Variants in ADAM22 observed in about 807,000 individuals in gnomAD.
ADAM22 encodes disintegrin and metalloproteinase domain-containing protein 22.
ADAM22 carries 65 observed loss-of-function variants against 144.6 expected under a neutral mutation model. The ratio of observed to expected loss-of-function variants is 0.45; its 90% CI spans 0.37 to 0.55. ADAM22 has a LOEUF of 0.55. Ranked by LOEUF, ADAM22 falls within the 20% of genes least tolerant of loss-of-function variation. ADAM22 has a pLI of 0.00. For synonymous variants in ADAM22, 391 were observed against 412.6 expected, an observed-to-expected ratio of 0.95 and a Z score of 0.63; for missense variants, 974 against 1,184.9, an observed-to-expected ratio of 0.82 and a Z score of 2.61.
At chr7:88,072,117 A>G (rs1415154077) in intron 3 of ADAM22, among the ~76,000 whole-genome samples, 1 of 152,228 alleles carries the variant, frequency 6.6e-6, no homozygotes. Flanking sequence ...TAAAATAACA[A>G]TACTTTGCAG....
At chr7:88,006,262 G>C (rs1390063235) in intron 3 of ADAM22, among the ~76,000 whole-genome samples, 1 of 152,074 alleles carries the variant, frequency 6.6e-6, no homozygotes, top group Non-Finnish European at 1.5e-5. Context: ...ATAATCAATA[G>C]CTTACCAACC....
At chr7:88,187,438 C>T (rs748992638) in intron 30 of ADAM22, among the ~76,000 whole-genome samples, 24 of 152,250 alleles carry the variant, frequency 1.6e-4, no homozygotes, top group African/African-American at 5.1e-4. Flanking sequence ...AGAAGAATAT[C>T]GCTACATTTT....
chr7:88,082,325 C>T (rs1159964373), intron 4 of ADAM22, among the ~76,000 whole-genome samples: 1 of 152,138 alleles, frequency 6.6e-6, no homozygotes, highest in Non-Finnish European at 1.5e-5. Flanking sequence ...ACACCTTACA[C>T]AAAAATTAAT....
At chr7:88,171,427 T>C in intron 25 of ADAM22, 117 bp from the exon 26 acceptor site, 1 of 849,546 alleles carries the variant, frequency 1.2e-6, no homozygotes, top group Non-Finnish European at 1.8e-6. Flanking sequence ...CAGAATCCTC[T>C]AGTGAAGACT....
chr7:88,114,040 G>T (rs1212015005), intron 5 of ADAM22, among the ~76,000 whole-genome samples: 1 of 151,942 alleles, frequency 6.6e-6, no homozygotes, highest in African/African-American at 2.4e-5. Context: ...TACTTCTCTT[G>T]TAGATTTGTG....
At chr7:88,170,462 A>T (rs918416709) in intron 25 of ADAM22, among the ~76,000 whole-genome samples, 4 of 151,944 alleles carry the variant, frequency 2.6e-5, no homozygotes, top group Non-Finnish European at 5.9e-5. Flanking sequence ...ATTAAAAAAA[A>T]AAATAAAGTA....
intron 12 of ADAM22, among the ~76,000 whole-genome samples, chr7:88,133,381 A>AATAC (rs1289435211): frequency 6.6e-6 from 1 of 150,608 alleles, no homozygotes; most frequent in African/African-American, 2.4e-5. Flanking sequence ...TAAATAAATA[A>AATAC]ATAAATAAAT....
intron 26 of ADAM22, among the ~76,000 whole-genome samples, chr7:88,178,618 T>TA (rs200322408): frequency 6.6e-6 from 1 of 151,870 alleles, no homozygotes. Context: ...ATTTTTTTTT[T>TA]AAAAAAAGAC....
At chr7:88,136,452 C>T (rs1832991681) in intron 14 of ADAM22, among the ~76,000 whole-genome samples, 1 of 152,010 alleles carries the variant, frequency 6.6e-6, no homozygotes, top group Non-Finnish European at 1.5e-5. Flanking sequence ...TGACTTCAAG[C>T]CATTACTGAT....
chr7:88,202,584 C>A lies in ADAM22; in HGVS notation c.*6093C>A, dbSNP rs1851276944. On this transcript the variant is annotated 3_prime_UTR_variant, in exon 32 of 32. Transcript: ENST00000413139. ...AACATTTCTCTGCTACTCTGCACTTCAGGTTCGTTAAGCTATTTTAATAAT... is the reference window on the plus strand; with the variant it reads ...AACATTTCTCTGCTACTCTGCACTTAAGGTTCGTTAAGCTATTTTAATAAT... The A allele has an allele frequency of 6.6e-6, 1 of 152,166 alleles. No individual in the cohort carries two copies. The highest frequency in any genetic ancestry group is 2.4e-5 in the African/African-American group (1 of 41,444). The allele number at this position is 152,166 out of a possible 1,614,324, so 9.4% of individuals were successfully genotyped here. A position where few individuals can be genotyped will look rare whatever the true frequency, so the allele number is the denominator to read the frequency against.
chr7:88,077,667 G>A (rs1815011948), intron 4 of ADAM22, among the ~76,000 whole-genome samples: 1 of 152,198 alleles, frequency 6.6e-6, no homozygotes, highest in Non-Finnish European at 1.5e-5. Flanking sequence ...TTTCCAACGG[G>A]CTTAACAAAC....
intron 3 of ADAM22, among the ~76,000 whole-genome samples, chr7:88,002,327 G>A (rs1792758026): frequency 6.6e-6 from 1 of 152,048 alleles, no homozygotes; most frequent in Non-Finnish European, 1.5e-5. Context: ...AACCAGCTTC[G>A]AGTGAATCAC....
intron 7 of ADAM22, among the ~76,000 whole-genome samples, chr7:88,123,351 A>G (rs79022643): frequency 0.015 from 2,282 of 152,092 alleles, 52 homozygotes; most frequent in African/African-American, 0.052. Context: ...AATCTTTGGT[A>G]GAATTCATCA....
rs904227981 is a variant in ADAM22, at chr7:88,136,999, TCTCCCTTCTGTC to T, written c.1220+973_1220+984del. On this transcript the variant is annotated intron_variant, in intron 14 of 31. Coordinates refer to ENST00000413139, the MANE Select transcript of ADAM22 (RefSeq NM_001324418.2). ...GTAAAATACTGCATTTGTGGTTAAA[TCTCCCTTCTGTC>T]CTCCATTATTAATTCCCAGCCCCAG... Among the ~76,000 whole-genome samples the T allele has an allele frequency of 2.7e-4, 41 of 152,212 alleles. 1 individual carries two copies. The highest frequency in any genetic ancestry group is 9.9e-4 in the African/African-American group (41 of 41,560).
chr7:88,149,083 AACTT>A (rs758059314), intron 18 of ADAM22, 26 bp downstream of exon 18: 1 of 1,575,964 alleles, frequency 6.3e-7, no homozygotes, highest in Admixed American at 1.7e-5. Context: ...ACTGCTCTAA[AACTT>A]ATGGGAAAAA....
intron 10 of ADAM22, 138 bp downstream of exon 10, chr7:88,130,597 C>T (rs768110814): frequency 1.4e-5 from 10 of 721,842 alleles, no homozygotes; most frequent in Non-Finnish European, 1.9e-5. Context: ...TCCGGGTGAC[C>T]TTGCAATAGA....
intron 4 of ADAM22, among the ~76,000 whole-genome samples, chr7:88,093,426 T>C (rs1820456377): frequency 6.6e-6 from 1 of 152,234 alleles, no homozygotes; most frequent in Admixed American, 6.5e-5. Context: ...GACCAGAGAA[T>C]ATATACTATT....
chr7:88,151,374 C>G, intron 20 of ADAM22, 54 bp downstream of exon 20: 1 of 1,600,078 alleles, frequency 6.2e-7, no homozygotes, highest in Non-Finnish European at 8.6e-7. Flanking sequence ...AGGCGGACTT[C>G]TCAAGGACGT....
chr7:88,105,259 T>C (rs1363903934), intron 4 of ADAM22, among the ~76,000 whole-genome samples: 2 of 152,306 alleles, frequency 1.3e-5, no homozygotes, highest in South Asian at 4.1e-4. Flanking sequence ...ACTATCTTCA[T>C]GTGTTACTGT....
Sources: allele counts gnomAD v4.1 joint callset (sites outside exome capture counted in the v4.1 genomes callset), GRCh38; gene constraint gnomAD v4.1.1; transcripts MANE v1.5; gene names NCBI Gene and HGNC (gene_info 2026-07-23, HGNC 2026-07-21).